The following ALG11 variants were observed in gnomAD, a reference collection of about 807,000 sequenced individuals.
The protein encoded by ALG11 is ALG11 alpha-1,2-mannosyltransferase.
In ALG11, 26 loss-of-function variants were observed where a neutral mutation model predicts 38.8. The ratio of observed to expected loss-of-function variants is 0.67; its 90% CI spans 0.49 to 0.93. The LOEUF (loss-of-function observed/expected upper bound fraction) is 0.93. Ranked by LOEUF, ALG11 falls within the 40% of genes least tolerant of loss-of-function variation. The pLI is 0.00. For synonymous variants in ALG11, 199 were observed against 211.6 expected (o/e 0.94, Z 0.52); for missense variants, 535 against 578.8 (o/e 0.92, Z 0.78).
At chr13:52,020,955 AT>A (rs1954179031) in intron 2 of ALG11, 1 of 152,180 alleles carries the variant, frequency 6.6e-6, no homozygotes, top group Non-Finnish European at 1.5e-5. Context: ...AGCAGTATTT[AT>A]TGGGGACCTG....
intron 1 of ALG11, 91 bp from the exon 2 acceptor site, chr13:52,018,822 A>G: frequency 9.6e-7 from 1 of 1,038,076 alleles, no homozygotes; most frequent in South Asian, 1.4e-5. Flanking sequence ...TGTTACTAAT[A>G]TATAAAGTAG....
chr13:52,016,783 C>G (rs892868677), intron 1 of ALG11: 1 of 152,276 alleles, frequency 6.6e-6, no homozygotes. Flanking sequence ...GAACCTCTGC[C>G]AGGGCAGTGC....
At chr13:52,012,507 A>G (rs1366469882) in intron 1 of ALG11, 45 bp downstream of exon 1, 1 of 1,613,486 alleles carries the variant, frequency 6.2e-7, no homozygotes, top group African/African-American at 1.3e-5. Flanking sequence ...TCTCTTCTGT[A>G]GGGGTACTTG....
Position 52,030,186 on chromosome 13 carries a change from T to C in ALG11, c.*1596T>C, listed in dbSNP as rs1432568596. 1 of 1,614,194 alleles carries C rather than the reference T, an allele frequency of 6.2e-7. No homozygotes were observed. Among genetic ancestry groups the C allele is most frequent in the South Asian group, 1.1e-5 (1 of 91,090 alleles). ...GAGGTGCTGTCCGAATTGAGGGCACTATCTCAGAAATTGAAGGAAAAACAT... is the reference window on the plus strand; with the variant it reads ...GAGGTGCTGTCCGAATTGAGGGCACCATCTCAGAAATTGAAGGAAAAACAT... On this transcript the variant is annotated 3_prime_UTR_variant, in exon 4 of 4. Coordinates refer to ENST00000521508, the MANE Select transcript of ALG11 (RefSeq NM_001004127.3).
intron 3 of ALG11, among the ~76,000 whole-genome samples, chr13:52,026,810 T>A (rs763743355): frequency 3.3e-5 from 5 of 152,262 alleles, no homozygotes; most frequent in Admixed American, 6.5e-5. Flanking sequence ...GAGTCTGAAG[T>A]TGAGAGGAGT....
In ALG11 at chr13:52,029,164, C is replaced by G; in HGVS notation, c.*574C>G. ...AGAAGGTGGTGGAGTTACCTCTTAA[C>G]AAAGAAAAAATTGAACAGATCCACA... On this transcript the variant is annotated 3_prime_UTR_variant, in exon 4 of 4. Transcript: ENST00000521508. 1 of 1,614,130 alleles carries G rather than the reference C, an allele frequency of 6.2e-7. No homozygotes were observed. The highest frequency in any genetic ancestry group is 1.1e-5 in the South Asian group (1 of 91,082).
intron 3 of ALG11, among the ~76,000 whole-genome samples, chr13:52,027,034 G>A: frequency 6.6e-6 from 1 of 152,154 alleles, no homozygotes; most frequent in East Asian, 1.9e-4. Flanking sequence ...AAGGAAGAGA[G>A]TGTTTGGAGA....
rs1405857257 is a variant in ALG11, at chr13:52,031,175, A to G, written c.*2585A>G. The G allele has an allele frequency of 2.0e-6, 3 of 1,526,102 alleles. No individual in the cohort carries two copies. The highest frequency in any genetic ancestry group is 8.8e-7 in the Non-Finnish European group (1 of 1,139,076). The allele number at this position is 1,526,102 out of a possible 1,614,324, so 94.5% of individuals were successfully genotyped here. A position where few individuals can be genotyped will look rare whatever the true frequency, so the allele number is the denominator to read the frequency against. On this transcript the variant is annotated 3_prime_UTR_variant, in exon 4 of 4. Transcript: ENST00000521508. ...TCCTTTGGTCCAGTTTTACTCTGCT[A>G]CAGGGTGGATTCCAAAACTGGCTCA...
chr13:52,028,613 A>C lies in ALG11; in HGVS notation c.*23A>C. On this transcript the variant is annotated 3_prime_UTR_variant, in exon 4 of 4. Coordinates refer to ENST00000521508, the MANE Select transcript of ALG11 (RefSeq NM_001004127.3). ...TAATGCCATATCTGTAAAATTAAAG[A>C]TATTTTATATAAACTGGTTAAACAC... The C allele has an allele frequency of 3.7e-6, 6 of 1,602,586 alleles. No individual in the cohort carries two copies. The highest frequency in any genetic ancestry group is 5.1e-6 in the Non-Finnish European group (6 of 1,170,744).
rs1248681114 is a variant in ALG11 at position 52,033,558 on chromosome 13, GA to G, written c.*4970del. 3.0e-5 allele frequency: 5 copies of G among 166,890 alleles called. No individual in the cohort carries two copies. The highest frequency in any genetic ancestry group is 1.2e-4 in the African/African-American group (5 of 41,404). 10.3% of individuals were successfully genotyped at this position (166,890 alleles called of 1,614,324 possible). A position where few individuals can be genotyped will look rare whatever the true frequency, so the allele number is the denominator to read the frequency against. On this transcript the variant is annotated 3_prime_UTR_variant, in exon 4 of 4. Coordinates refer to ENST00000521508, the MANE Select transcript of ALG11 (RefSeq NM_001004127.3). ...TCCCAAGCTCCATATGCCAATTAAAGAAGAAACAAAAATAAAAGTTTGTCTT... is the reference window on the plus strand; with the variant it reads ...TCCCAAGCTCCATATGCCAATTAAAGAGAAACAAAAATAAAAGTTTGTCTT...
chr13:52,019,011 G>A lies in ALG11; in HGVS notation c.143G>A (p.Arg48Lys). The A allele has an allele frequency of 6.2e-7, 1 of 1,613,856 alleles. No homozygotes were observed. The highest frequency in any genetic ancestry group is 8.5e-7 in the Non-Finnish European group (1 of 1,179,946). The part of the protein sequence containing the change: ...VLWGIRLLLQ[R>K]KKKLVSTSKN... ...TGGGGAATCAGACTGCTGCTACAGA[G>A]AAAGAAAAAATTAGTGTCAACTAGC... Residue 48 changes from arginine (R) to lysine (K), a missense_variant, in exon 2 of 4, where the codon AGA becomes AAA. Physicochemically the swap from Arg to Lys is conservative, Grantham distance 26. Transcript: ENST00000521508.
rs1182437727 is a variant in ALG11, at chr13:52,030,584, A to T, written c.*1994A>T. 2.5e-6 allele frequency: 4 copies of T among 1,614,238 alleles called. No homozygotes were observed. Among genetic ancestry groups the T allele is most frequent in the Non-Finnish European group, 3.4e-6 (4 of 1,180,044 alleles). On this transcript the variant is annotated 3_prime_UTR_variant, in exon 4 of 4. Transcript: ENST00000521508. ...AGAGGAGAGAGACCAAAGGCAGATG[A>T]TAAAGGAAGCTTTTGCTGGGGATGA... is the stretch of plus-strand genomic sequence containing the variant.
rs987009293 is a variant in ALG11, at chr13:52,019,516, C to T, written c.275+373C>T. On this transcript the variant is annotated intron_variant, in intron 2 of 3. Coordinates refer to ENST00000521508, the MANE Select transcript of ALG11 (RefSeq NM_001004127.3). ...TATTACAGGTGTGAGCCACCGTGCC[C>T]GGCCTCATCTTTCTAAAGTACCTAA... 4.6e-5 allele frequency among the ~76,000 whole-genome samples: 7 copies of T among 152,174 alleles called. No individual in the cohort carries two copies. The South Asian group carries it at 1.0e-3, about 23-fold the overall frequency.
Position 52,019,054 on chromosome 13 carries a change from A to T in ALG11, c.186A>T (p.Gln62His). The change falls in exon 2 of 4, where the codon CAA becomes CAT. Residue 62 changes from glutamine (Q) to histidine (H), a missense_variant. Coordinates refer to ENST00000521508, the MANE Select transcript of ALG11 (RefSeq NM_001004127.3). ...CAACTAGCAAAAATGGGAAAAATCA[A>T]ATGGTGATTGCATTTTTTCATCCAT... ...LVSTSKNGKNQMVIAFFHPYC... is the reference protein window; with the variant it reads ...LVSTSKNGKNHMVIAFFHPYC... The T allele has an allele frequency of 1.2e-6, 2 of 1,614,030 alleles. No individual in the cohort carries two copies. Among genetic ancestry groups the T allele is most frequent in the Non-Finnish European group, 1.7e-6 (2 of 1,180,000 alleles).
At position 52,029,762 on chromosome 13, in the gene ALG11, C is replaced by A. The variant is rs1381339521; in HGVS notation, c.*1172C>A. Reference sequence around the variant, plus strand: ...GGCCAAATATGACCTGGAGGCTCGCCAAGCTATGCAGGAACAGTTGGCCAA... The same window carrying A: ...GGCCAAATATGACCTGGAGGCTCGCAAAGCTATGCAGGAACAGTTGGCCAA... On this transcript the variant is annotated 3_prime_UTR_variant, in exon 4 of 4. Transcript: ENST00000521508. The A allele has an allele frequency of 1.2e-6, 2 of 1,614,164 alleles. No individual in the cohort carries two copies. Among genetic ancestry groups the A allele is most frequent in the Admixed American group, 1.7e-5 (1 of 60,024 alleles).
chr13:52,018,441 C>T (rs778899133), intron 1 of ALG11, among the ~76,000 whole-genome samples: 1 of 152,106 alleles, frequency 6.6e-6, no homozygotes, highest in Non-Finnish European at 1.5e-5. Context: ...AGAAATTGTT[C>T]TACTTGAGGT....
At chr13:52,027,607 G>T (rs1954253994) in intron 3 of ALG11, among the ~76,000 whole-genome samples, 2 of 152,114 alleles carry the variant, frequency 1.3e-5, no homozygotes, top group African/African-American at 4.8e-5. Flanking sequence ...GGCTAAGAAG[G>T]GCTGGCTAGA....
chr13:52,015,584 A>G (rs936148468), intron 1 of ALG11, among the ~76,000 whole-genome samples: 1 of 152,050 alleles, frequency 6.6e-6, no homozygotes, highest in Non-Finnish European at 1.5e-5. Context: ...ATGGGGGCCA[A>G]TCTTTCCCAT....
chr13:52,015,150 C>G (rs1456749791), intron 1 of ALG11, among the ~76,000 whole-genome samples: 1 of 152,216 alleles, frequency 6.6e-6, no homozygotes, highest in Admixed American at 6.5e-5. Context: ...TGCCTGTAAT[C>G]TCAATGCTTT....
Sources: allele counts gnomAD v4.1 joint callset (sites outside exome capture counted in the v4.1 genomes callset), GRCh38; gene constraint gnomAD v4.1.1; transcripts MANE v1.5; gene names NCBI Gene and HGNC (gene_info 2026-07-23, HGNC 2026-07-21).